FAM13A: variants seen among roughly 807,000 people sequenced by gnomAD.
FAM13A encodes protein FAM13A.
A neutral mutation model predicts 129.6 loss-of-function variants in FAM13A; 76 were observed. The observed-to-expected ratio is 0.59, with a 90% confidence interval of 0.49 to 0.71. The LOEUF (loss-of-function observed/expected upper bound fraction) is 0.71. FAM13A is among the 30% of genes least tolerant of loss of function. The pLI, the probability that FAM13A is intolerant of heterozygous loss-of-function variation, is 0.00. For missense variants in FAM13A, 1,108 were observed against 1,249.3 expected (o/e 0.89, Z 1.70); for synonymous variants, 443 against 449.9 (o/e 0.98, Z 0.20).
At chr4:88,743,438 A>C (rs914414505) in intron 19 of FAM13A, among the ~76,000 whole-genome samples, 4 of 152,346 alleles carry the variant, frequency 2.6e-5, no homozygotes, top group Middle Eastern at 3.4e-3. Context: ...TTTAAAGATA[A>C]ATTAGAACTA....
chr4:88,797,498 C>A (rs1008043897), intron 8 of FAM13A, among the ~76,000 whole-genome samples: 1 of 152,100 alleles, frequency 6.6e-6, no homozygotes, highest in African/African-American at 2.4e-5. Flanking sequence ...CTCCTGGTTT[C>A]AAGAGATCCT....
intron 2 of FAM13A, among the ~76,000 whole-genome samples, chr4:89,028,206 C>CA (rs35426702): frequency 0.095 from 7,430 of 78,238 alleles, 273 homozygotes; most frequent in South Asian, 0.15. Context: ...ACCTCCGTCT[C>CA]AAAAAAAAAA....
chr4:89,056,979 T>C lies in FAM13A; in HGVS notation c.-15A>G. 6.2e-7 allele frequency: 1 copy of C among 1,613,546 alleles called. No individual in the cohort carries two copies. Among genetic ancestry groups the C allele is most frequent in the Non-Finnish European group, 8.5e-7 (1 of 1,179,774 alleles). On this transcript the variant is annotated 5_prime_UTR_variant, in exon 1 of 24. Coordinates refer to ENST00000264344, the MANE Select transcript of FAM13A (RefSeq NM_014883.4). The stretch of plus-strand genomic sequence containing the variant: ...CCTGCCCCCATTCTCTCAGAAAGCG[T>C]CTGGAAGAACTGAGGAAGACCAGAC...
chr4:88,918,335 C>T (rs1229673654), intron 5 of FAM13A, among the ~76,000 whole-genome samples: 1 of 152,194 alleles, frequency 6.6e-6, no homozygotes, highest in Non-Finnish European at 1.5e-5. Context: ...CACATTTACT[C>T]ATTTGATCTT....
At chr4:88,795,561 C>A (rs1725990041) in intron 8 of FAM13A, among the ~76,000 whole-genome samples, 1 of 151,666 alleles carries the variant, frequency 6.6e-6, no homozygotes, top group South Asian at 2.1e-4. Context: ...TATACTGTAT[C>A]CCTTTTCCAT....
In FAM13A at chr4:88,982,372, T is replaced by C. The variant is rs1371166516; in HGVS notation, c.605+8601A>G. Among the ~76,000 whole-genome samples the C allele has an allele frequency of 1.1e-4, 17 of 152,268 alleles. 1 individual carries two copies. The highest frequency in any genetic ancestry group is 1.1e-3 in the Admixed American group (17 of 15,292). ...CCATAAAACCTGATCTTTCCCTTAATGCAATTTTAAATGTATTTAATTAAA... is the reference window on the plus strand; with the variant it reads ...CCATAAAACCTGATCTTTCCCTTAACGCAATTTTAAATGTATTTAATTAAA... On this transcript the variant is annotated intron_variant, in intron 4 of 23. Transcript: ENST00000264344.
At chr4:88,793,996 CAAT>C (rs1469295119) in intron 8 of FAM13A, among the ~76,000 whole-genome samples, 3 of 151,934 alleles carry the variant, frequency 2.0e-5, no homozygotes, top group African/African-American at 7.2e-5. Flanking sequence ...AGCATTTAAA[CAAT>C]AAGCAAATAA....
rs1233966066 is a variant in FAM13A at position 88,726,926 on chromosome 4, C to T, written c.*1607G>A. 6.6e-6 allele frequency: 1 copy of T among 152,578 alleles called. No individual in the cohort carries two copies. The highest frequency in any genetic ancestry group is 1.5e-5 in the Non-Finnish European group (1 of 68,052). 9.5% of individuals were successfully genotyped at this position (152,578 alleles called of 1,614,324 possible). ...CTTAAAGGCATTCTTTTTCCCCATC[C>T]TTAACATTCAGCTGACAGAAGAGAG... On this transcript the variant is annotated 3_prime_UTR_variant, in exon 24 of 24. Coordinates refer to ENST00000264344, the MANE Select transcript of FAM13A (RefSeq NM_014883.4).
In FAM13A at chr4:88,851,190, GAAA is replaced by G; in HGVS notation, c.844-10_844-8del. On this transcript the variant is annotated splice_region_variant and splice_polypyrimidine_tract_variant and intron_variant, in intron 6 of 23. Transcript: ENST00000264344. ...CACTCCTGGATTTTGGGATCTAGAA[GAAA>G]AAAAAAAGAGGGGTGGGGGAGAGCT... The G allele has an allele frequency of 7.6e-7, 1 of 1,312,850 alleles. No homozygotes were observed. Among genetic ancestry groups the G allele is most frequent in the Non-Finnish European group, 1.0e-6 (1 of 987,636 alleles). The allele number at this position is 1,312,850 out of a possible 1,614,324, so 81.3% of individuals were successfully genotyped here.
At chr4:88,992,178 T>C (rs1218180932) in intron 3 of FAM13A, among the ~76,000 whole-genome samples, 1 of 152,206 alleles carries the variant, frequency 6.6e-6, no homozygotes, top group Non-Finnish European at 1.5e-5. Context: ...AAACCCCAAA[T>C]GCAGTAGTCC....
chr4:88,923,146 TC>T (rs1751426947), intron 5 of FAM13A, among the ~76,000 whole-genome samples: 1 of 152,096 alleles, frequency 6.6e-6, no homozygotes, highest in Non-Finnish European at 1.5e-5. Context: ...TACCATTCCT[TC>T]TGAAACTATT....
intron 1 of FAM13A, among the ~76,000 whole-genome samples, chr4:89,045,196 G>A (rs1352735423): frequency 2.0e-5 from 3 of 152,070 alleles, no homozygotes; most frequent in Admixed American, 1.3e-4. Context: ...AGAATGTGAA[G>A]TGGAGACTGG....
chr4:88,920,356 T>C (rs1321216297), intron 5 of FAM13A, among the ~76,000 whole-genome samples: 1 of 149,068 alleles, frequency 6.7e-6, no homozygotes, highest in Non-Finnish European at 1.5e-5. Context: ...GACAAAACTT[T>C]CAGAGGAACG....
At chr4:88,892,325 G>A (rs1312423858) in intron 6 of FAM13A, among the ~76,000 whole-genome samples, 1 of 151,814 alleles carries the variant, frequency 6.6e-6, no homozygotes, top group African/African-American at 2.4e-5. Flanking sequence ...GACTACAGGC[G>A]CCCGCCACCA....
At chr4:88,999,557 T>C (rs1047969972) in intron 3 of FAM13A, among the ~76,000 whole-genome samples, 3 of 152,226 alleles carry the variant, frequency 2.0e-5, no homozygotes, top group Non-Finnish European at 4.4e-5. Flanking sequence ...ACAGTAAATA[T>C]ATAGTTTCAG....
In FAM13A at chr4:89,029,527, C is replaced by T; in HGVS notation, c.150G>A (p.Arg50=). ...LFGVSLQELE[R]QGLTENGIPA... is the part of the protein sequence containing the mutation. Reference sequence around the variant, plus strand: ...GAATGCCATTCTCGGTGAGCCCCTGCCGTTCAAGTTCTTGGAGACTGACTC... The same window carrying T: ...GAATGCCATTCTCGGTGAGCCCCTGTCGTTCAAGTTCTTGGAGACTGACTC... The change falls in exon 2 of 24, where the codon CGG becomes CGA. Residue 50 remains arginine (R), a synonymous_variant. Coordinates refer to ENST00000264344, the MANE Select transcript of FAM13A (RefSeq NM_014883.4). The T allele has an allele frequency of 6.3e-7, 1 of 1,592,268 alleles. No individual in the cohort carries two copies. The highest frequency in any genetic ancestry group is 1.9e-5 in the Admixed American group (1 of 52,840).
chr4:88,941,091 A>G (rs1051415743), intron 4 of FAM13A, among the ~76,000 whole-genome samples: 1 of 152,234 alleles, frequency 6.6e-6, no homozygotes, highest in Non-Finnish European at 1.5e-5. Flanking sequence ...GGGCTATTAC[A>G]TAAAAATCAT....
intron 4 of FAM13A, among the ~76,000 whole-genome samples, chr4:88,972,825 C>G (rs1760317084): frequency 6.6e-6 from 1 of 152,182 alleles, no homozygotes; most frequent in African/African-American, 2.4e-5. Context: ...CCAGCATGGT[C>G]TCGAACTCCT....
chr4:88,899,942 G>A (rs750778100), intron 6 of FAM13A, among the ~76,000 whole-genome samples: 36 of 152,052 alleles, frequency 2.4e-4, no homozygotes, highest in Non-Finnish European at 2.9e-4. Context: ...GAACATAACT[G>A]ACCTGATGGA....
Sources: gnomAD v4.1 joint callset for allele counts (sites outside exome capture counted in the v4.1 genomes callset) on GRCh38, gnomAD v4.1.1 for gene constraint, MANE v1.5 for transcripts, NCBI Gene and HGNC (gene_info 2026-07-23, HGNC 2026-07-21) for gene names.